THOC2: variants seen among roughly 807,000 people sequenced by gnomAD.
THOC2 encodes the protein THO complex 2.
In THOC2, 10 loss-of-function variants were observed where a neutral mutation model predicts 128.4. The observed-to-expected ratio is 0.08, with a 90% CI of 0.05 to 0.13. The LOEUF is 0.13. Among genes scored for constraint, THOC2 ranks in the 10% least tolerant of loss-of-function variants. The pLI, the probability that THOC2 is intolerant of heterozygous loss-of-function variation, is 1.00. For missense variants in THOC2, 535 were observed against 1,155.7 expected (o/e 0.46, Z 7.79); for synonymous variants, 393 against 396.9 (o/e 0.99, Z 0.12).
chrX:123,650,790 G>A (rs2048323630), intron 12 of THOC2, among the ~76,000 whole-genome samples: 1 of 112,030 alleles, frequency 8.9e-6, no homozygotes, highest in African/African-American at 3.2e-5. Flanking sequence ...CAATACAGGA[G>A]CATCCAGATT....
chrX:123,630,831 TGGGAAACAC>T (rs2047454388), intron 22 of THOC2, among the ~76,000 whole-genome samples: 2 of 111,266 alleles, frequency 1.8e-5, no homozygotes, highest in Non-Finnish European at 3.8e-5. Context: ...ACAAGATTGC[TGGGAAACAC>T]CTTTTCCAGA....
chrX:123,657,478 A>C (rs1365005109), intron 12 of THOC2, among the ~76,000 whole-genome samples: 1 of 110,823 alleles, frequency 9.0e-6, no homozygotes, highest in African/African-American at 3.3e-5. Flanking sequence ...ACACTTGGGC[A>C]TATCATGTTA....
At chrX:123,646,766 C>T (rs2048141845) in intron 12 of THOC2, among the ~76,000 whole-genome samples, 1 of 111,522 alleles carries the variant, frequency 9.0e-6, no homozygotes, top group African/African-American at 3.3e-5. Flanking sequence ...AAAGGAGTGG[C>T]CTGGCAGAAA....
chrX:123,632,489 CAAAAAAAAAAAAA>C (rs11324625), intron 21 of THOC2, among the ~76,000 whole-genome samples: 2 of 35,161 alleles, frequency 5.7e-5, no homozygotes, highest in African/African-American at 1.0e-4. Flanking sequence ...GGCTTTGTCT[CAAAAAAAAAAAAA>C]AAAAAAAAAA....
intron 36 of THOC2, among the ~76,000 whole-genome samples, chrX:123,611,867 C>A (rs1392122403): frequency 9.3e-6 from 1 of 107,810 alleles, no homozygotes; most frequent in Non-Finnish European, 1.9e-5. Flanking sequence ...GTCAAGGTAT[C>A]TGAACAGATT....
At chrX:123,629,894 C>A (rs1372726080) in intron 22 of THOC2, among the ~76,000 whole-genome samples, 1 of 111,865 alleles carries the variant, frequency 8.9e-6, no homozygotes, top group Admixed American at 9.4e-5. Flanking sequence ...CTGTTCTGGG[C>A]AAGATCTAGA....
chrX:123,711,049 C>T (rs1377995331), intron 2 of THOC2, among the ~76,000 whole-genome samples: 6 of 102,726 alleles, frequency 5.8e-5, no homozygotes, highest in Non-Finnish European at 7.9e-5. Context: ...AAACAAGGTT[C>T]ACTCTGTCAC....
intron 1 of THOC2, among the ~76,000 whole-genome samples, chrX:123,718,662 G>A (rs1226457124): frequency 1.8e-5 from 2 of 110,620 alleles, no homozygotes; most frequent in Non-Finnish European, 3.8e-5. Context: ...AGGAGGCTGA[G>A]GCAGGAGAAT....
chrX:123,706,515 C>A (rs2050937769), intron 3 of THOC2, among the ~76,000 whole-genome samples: 1 of 68,486 alleles, frequency 1.5e-5, no homozygotes, highest in Non-Finnish European at 2.5e-5. Flanking sequence ...TGTTATCCCT[C>A]CCCCCTCCCC....
At chrX:123,616,081 T>A (rs1484978687) in intron 33 of THOC2, among the ~76,000 whole-genome samples, 1 of 111,373 alleles carries the variant, frequency 9.0e-6, no homozygotes, top group Non-Finnish European at 1.9e-5. Context: ...AGAATGGTTG[T>A]TCATTTTTAT....
At chrX:123,719,665 G>A (rs192077228) in intron 1 of THOC2, among the ~76,000 whole-genome samples, 117 of 109,837 alleles carry the variant, frequency 1.1e-3, no homozygotes, top group Non-Finnish European at 4.4e-4. Context: ...AGCCAGGCAC[G>A]GTGGCCCATG....
chrX:123,670,839 T>C (rs908531573), intron 9 of THOC2, among the ~76,000 whole-genome samples: 14 of 111,654 alleles, frequency 1.3e-4, no homozygotes, highest in African/African-American at 4.2e-4. Flanking sequence ...ATGCAAAATT[T>C]TTTTCTCCCT....
At chrX:123,697,858 T>G in intron 4 of THOC2, 107 bp from the exon 5 acceptor site, 1 of 413,784 alleles carries the variant, frequency 2.4e-6, no homozygotes, top group Non-Finnish European at 4.1e-6. Flanking sequence ...AATGCCTCAA[T>G]CTGAATTTGG....
intron 4 of THOC2, among the ~76,000 whole-genome samples, chrX:123,698,197 C>T (rs868530780): frequency 5.4e-5 from 6 of 111,943 alleles, no homozygotes; most frequent in Middle Eastern, 4.6e-3. Context: ...CAGTGGCTCA[C>T]GCCTGCAATC....
intron 6 of THOC2, among the ~76,000 whole-genome samples, chrX:123,696,409 A>G (rs962600942): frequency 1.8e-5 from 2 of 111,685 alleles, no homozygotes; most frequent in African/African-American, 3.2e-5. Flanking sequence ...GAACAATAAC[A>G]TATCACCATT....
intron 12 of THOC2, among the ~76,000 whole-genome samples, chrX:123,648,621 A>G: frequency 9.4e-6 from 1 of 106,901 alleles, no homozygotes; most frequent in South Asian, 4.0e-4. Flanking sequence ...GCTGGAGCTC[A>G]GCGGGAGGAG....
chrX:123,679,867 A>G (rs1465940007), intron 8 of THOC2, among the ~76,000 whole-genome samples: 10 of 112,367 alleles, frequency 8.9e-5, no homozygotes, highest in African/African-American at 3.2e-4. Flanking sequence ...TGTTAAACAA[A>G]TGCTTGAAGG....
chrX:123,691,781 G>A (rs1384126183), intron 7 of THOC2, among the ~76,000 whole-genome samples: 1 of 112,360 alleles, frequency 8.9e-6, no homozygotes, highest in East Asian at 2.8e-4. Flanking sequence ...CTAAAGCTAC[G>A]CTCAAATAAG....
intron 1 of THOC2, among the ~76,000 whole-genome samples, chrX:123,715,464 C>A (rs1332237521): frequency 9.1e-6 from 1 of 110,232 alleles, no homozygotes; most frequent in Admixed American, 9.7e-5. Flanking sequence ...AGGGCAGAAA[C>A]AACTGAAATA....
Sources: gnomAD v4.1 joint callset for allele counts (sites outside exome capture counted in the v4.1 genomes callset) on GRCh38, gnomAD v4.1.1 for gene constraint, MANE v1.5 for transcripts, NCBI Gene and HGNC (gene_info 2026-07-23, HGNC 2026-07-21) for gene names.